BRSK2: variants seen among roughly 807,000 people sequenced by gnomAD.
BRSK2 encodes the protein BR serine/threonine kinase 2.
Under a neutral mutation model 83.3 loss-of-function variants are expected in BRSK2, and 19 were observed. That is an observed-to-expected ratio of 0.23 (90% CI 0.16 to 0.33). BRSK2 has a LOEUF of 0.33. Ranked by LOEUF, BRSK2 falls within the 10% of genes least tolerant of loss-of-function variation. The probability of loss-of-function intolerance (pLI) is 1.00; values close to 1 mark genes in which losing one functional copy is unlikely to be tolerated. For synonymous variants in BRSK2, 519 were observed against 435.4 expected (o/e 1.19, Z -2.39); for missense variants, 798 against 1,042.3 (o/e 0.77, Z 3.23).
chr11:1,443,055 G>A (rs917179114), intron 5 of BRSK2, 51 bp from the exon 6 acceptor site: 6 of 1,518,242 alleles, frequency 4.0e-6, no homozygotes, highest in Non-Finnish European at 5.3e-6. Flanking sequence ...CCTGGGGGGA[G>A]GGCCTGGCAG....
intron 12 of BRSK2, chr11:1,447,819 C>T (rs1207746173): frequency 6.3e-7 from 1 of 1,597,418 alleles, no homozygotes; most frequent in Non-Finnish European, 8.5e-7. Context: ...TCAGTAAAAG[C>T]CTGGATATCG....
At chr11:1,398,181 A>G (rs10766599) in intron 1 of BRSK2, among the ~76,000 whole-genome samples, 44,319 of 152,066 alleles carry the variant, frequency 0.29, 6,609 homozygotes, top group Middle Eastern at 0.43. Flanking sequence ...AGAAGGGGTC[A>G]GGATAGGGGC....
intron 1 of BRSK2, among the ~76,000 whole-genome samples, chr11:1,413,202 C>T (rs1036841821): frequency 2.6e-5 from 4 of 152,164 alleles, no homozygotes; most frequent in African/African-American, 9.7e-5. Context: ...CTGGGGGCTT[C>T]TGCCTCCCAG....
At chr11:1,405,734 C>T (rs1231694730) in intron 1 of BRSK2, among the ~76,000 whole-genome samples, 1 of 152,138 alleles carries the variant, frequency 6.6e-6, no homozygotes, top group Non-Finnish European at 1.5e-5. Context: ...AGATTGTGCT[C>T]TGTGCCGAGG....
At chr11:1,395,555 G>T (rs1193191097) in intron 1 of BRSK2, among the ~76,000 whole-genome samples, 1 of 152,220 alleles carries the variant, frequency 6.6e-6, no homozygotes, top group African/African-American at 2.4e-5. Flanking sequence ...CTAGGCGGGG[G>T]CGGGAGGGTC....
At chr11:1,456,561 C>T in intron 17 of BRSK2, 33 bp downstream of exon 17, 2 of 1,604,342 alleles carry the variant, frequency 1.2e-6, no homozygotes, top group South Asian at 2.2e-5. Flanking sequence ...GCTCCGGGCC[C>T]AGGCCCGTCC....
intron 9 of BRSK2, 135 bp from the exon 10 acceptor site, chr11:1,445,159 G>C (rs1030874710): frequency 2.7e-4 from 393 of 1,458,546 alleles, no homozygotes; most frequent in Non-Finnish European, 3.0e-4. Context: ...CGGGCAGGAC[G>C]CAGGAGGCCT....
chr11:1,459,680 A>G (rs1372676085), intron 19 of BRSK2, among the ~76,000 whole-genome samples: 3 of 152,130 alleles, frequency 2.0e-5, no homozygotes, highest in Non-Finnish European at 2.9e-5. Flanking sequence ...AGGGGCCTCC[A>G]TCGACACACC....
chr11:1,408,923 GGT>G (rs1330336450), intron 1 of BRSK2, among the ~76,000 whole-genome samples: 1 of 149,136 alleles, frequency 6.7e-6, no homozygotes, highest in East Asian at 2.0e-4. Flanking sequence ...CCTGTGCAAG[GGT>G]GTGTGTGTGT....
intron 1 of BRSK2, among the ~76,000 whole-genome samples, chr11:1,391,893 A>G (rs929392630): frequency 2.3e-4 from 35 of 152,148 alleles, no homozygotes; most frequent in East Asian, 1.9e-4. Flanking sequence ...GCTGGTCTCC[A>G]CTCTTCATGG....
intron 1 of BRSK2, among the ~76,000 whole-genome samples, chr11:1,414,072 T>C (rs1847844017): frequency 1.3e-5 from 2 of 152,258 alleles, no homozygotes; most frequent in Admixed American, 1.3e-4. Context: ...TAAAAACAAT[T>C]GTTCATTAAT....
intron 12 of BRSK2, among the ~76,000 whole-genome samples, chr11:1,449,326 A>G (rs746772517): frequency 1.8e-4 from 28 of 152,292 alleles, no homozygotes; most frequent in Non-Finnish European, 2.9e-4. Context: ...CCTCACGGGC[A>G]TCTAGGGACA....
intron 12 of BRSK2, among the ~76,000 whole-genome samples, chr11:1,447,231 C>T (rs1485419046): frequency 1.3e-5 from 2 of 152,190 alleles, no homozygotes; most frequent in Non-Finnish European, 2.9e-5. Flanking sequence ...CAGTGGCCTG[C>T]ATGTCATGGG....
At chr11:1,456,953 A>G (rs781538273) in intron 18 of BRSK2, 2 of 1,597,348 alleles carry the variant, frequency 1.3e-6, no homozygotes, top group South Asian at 2.2e-5. Context: ...TGTCCACCGT[A>G]GAACCCCCCC....
chr11:1,452,430 C>T (rs1845912761), intron 15 of BRSK2, among the ~76,000 whole-genome samples: 1 of 152,250 alleles, frequency 6.6e-6, no homozygotes, highest in South Asian at 2.1e-4. Context: ...TCTGCTGCTA[C>T]CAAAAGCTTT....
At chr11:1,401,425 C>T (rs1479717792) in intron 1 of BRSK2, among the ~76,000 whole-genome samples, 3 of 152,252 alleles carry the variant, frequency 2.0e-5, no homozygotes, top group African/African-American at 4.8e-5. Flanking sequence ...ATAGGTCGCT[C>T]TTCCAGTCCC....
At chr11:1,425,130 T>C (rs1192254271) in intron 1 of BRSK2, among the ~76,000 whole-genome samples, 1 of 152,228 alleles carries the variant, frequency 6.6e-6, no homozygotes, top group Non-Finnish European at 1.5e-5. Flanking sequence ...TGCATCGTCC[T>C]GCGCTGCGTG....
intron 1 of BRSK2, among the ~76,000 whole-genome samples, chr11:1,427,734 A>G (rs946067063): frequency 6.6e-6 from 1 of 152,188 alleles, no homozygotes; most frequent in Non-Finnish European, 1.5e-5. Flanking sequence ...ATGGACTCTC[A>G]ATTGGAAAAT....
chr11:1,411,599 C>G (rs1303176882), intron 1 of BRSK2: 6 of 1,577,100 alleles, frequency 3.8e-6, no homozygotes, highest in Non-Finnish European at 5.1e-6. Context: ...TTCCTCAAGG[C>G]CAGACCTGGC....
Sources: gnomAD v4.1 joint callset for allele counts (sites outside exome capture counted in the v4.1 genomes callset) on GRCh38, gnomAD v4.1.1 for gene constraint, MANE v1.5 for transcripts, NCBI Gene and HGNC (gene_info 2026-07-23, HGNC 2026-07-21) for gene names.